Variants in PPIP5K2 observed in about 807,000 individuals in gnomAD.
The protein encoded by PPIP5K2 is diphosphoinositol pentakisphosphate kinase 2.
A neutral mutation model predicts 154.6 loss-of-function variants in PPIP5K2; 105 were observed. That is an observed-to-expected ratio of 0.68 (90% confidence interval 0.58 to 0.80). The LOEUF (loss-of-function observed/expected upper bound fraction) is 0.80. Ranked by LOEUF, PPIP5K2 falls within the 30% of genes least tolerant of loss-of-function variation. The pLI is 0.00. For missense variants in PPIP5K2, 992 were observed against 1,504.6 expected (o/e 0.66, Z 5.64); for synonymous variants, 480 against 490.3 (o/e 0.98, Z 0.28).
At chr5:103,140,357 A>G (rs1416809858) in intron 5 of PPIP5K2, among the ~76,000 whole-genome samples, 1 of 152,168 alleles carries the variant, frequency 6.6e-6, no homozygotes, top group Non-Finnish European at 1.5e-5. Flanking sequence ...GCATATATTA[A>G]TTAAACTCTC....
In PPIP5K2 at chr5:103,210,696, A is replaced by G. The variant is rs1470703709; in HGVS notation, c.*9062A>G. ...AAAGTTAGTACTGATTCCCATTATCATGCTCTGTTGTTCCCTGGATGCTCT... is the reference window on the plus strand; with the variant it reads ...AAAGTTAGTACTGATTCCCATTATCGTGCTCTGTTGTTCCCTGGATGCTCT... On this transcript the variant is annotated 3_prime_UTR_variant, in exon 31 of 31. Transcript: ENST00000358359. The G allele has an allele frequency of 6.6e-6, 1 of 152,108 alleles. No homozygotes were observed. The highest frequency in any genetic ancestry group is 1.5e-5 in the Non-Finnish European group (1 of 67,988). 9.4% of individuals were successfully genotyped at this position (152,108 alleles called of 1,614,324 possible).
intron 24 of PPIP5K2, among the ~76,000 whole-genome samples, chr5:103,181,833 T>A (rs1252419591): frequency 6.6e-6 from 1 of 152,132 alleles, no homozygotes; most frequent in Non-Finnish European, 1.5e-5. Context: ...AATATATATG[T>A]GCTCCAGTTT....
intron 27 of PPIP5K2, among the ~76,000 whole-genome samples, chr5:103,186,720 A>G (rs557508884): frequency 3.3e-5 from 5 of 152,326 alleles, no homozygotes; most frequent in Admixed American, 1.3e-4. Flanking sequence ...AATTGATTAT[A>G]TTATAAAGAG....
chr5:103,207,511 G>A lies in PPIP5K2; in HGVS notation c.*5877G>A, dbSNP rs10068312. 6.6e-6 allele frequency: 1 copy of A among 151,944 alleles called. No individual in the cohort carries two copies. The highest frequency in any genetic ancestry group is 1.5e-5 in the Non-Finnish European group (1 of 67,966). 9.4% of individuals were successfully genotyped at this position (151,944 alleles called of 1,614,324 possible). On this transcript the variant is annotated 3_prime_UTR_variant, in exon 31 of 31. Coordinates refer to ENST00000358359, the MANE Select transcript of PPIP5K2 (RefSeq NM_001276277.3). ...CATTATGTTATTCACATTTGCTATA[G>A]TTCACTTGTTGTGCTAATGGTTTTT...
intron 19 of PPIP5K2, among the ~76,000 whole-genome samples, chr5:103,170,351 T>C (rs1797787697): frequency 2.0e-5 from 3 of 151,634 alleles, no homozygotes; most frequent in South Asian, 4.1e-4. Flanking sequence ...CAGTATGTTA[T>C]GGTGATTCTC....
intron 26 of PPIP5K2, 108 bp from the exon 27 acceptor site, chr5:103,186,212 A>T (rs1800347806): frequency 7.1e-7 from 1 of 1,405,650 alleles, no homozygotes; most frequent in Non-Finnish European, 9.8e-7. Flanking sequence ...GGCACTTCCA[A>T]AGGTTGCCTT....
intron 29 of PPIP5K2, among the ~76,000 whole-genome samples, chr5:103,192,128 G>A (rs1207757222): frequency 1.3e-5 from 2 of 151,898 alleles, no homozygotes; most frequent in South Asian, 4.1e-4. Context: ...ATTTTTGGTA[G>A]TAGAGGCCAG....
In PPIP5K2 at chr5:103,186,458, A is replaced by G. The variant is rs782465984; in HGVS notation, c.3289+19A>G. The G allele has an allele frequency of 6.2e-7, 1 of 1,613,554 alleles. No homozygotes were observed. The highest frequency in any genetic ancestry group is 8.5e-7 in the Non-Finnish European group (1 of 1,179,670). ...ATAGATGGTATGTGCACACATGCAC[A>G]CACAGATTCATACCTACACCCATGC... is the stretch of plus-strand genomic sequence containing the variant. On this transcript the variant is annotated intron_variant, in intron 27 of 30. Coordinates refer to ENST00000358359, the MANE Select transcript of PPIP5K2 (RefSeq NM_001276277.3).
chr5:103,142,444 G>A (rs1792943861), intron 5 of PPIP5K2, among the ~76,000 whole-genome samples: 1 of 152,200 alleles, frequency 6.6e-6, no homozygotes, highest in Non-Finnish European at 1.5e-5. Flanking sequence ...GCAACCTGAG[G>A]GAGTGGGCTC....
chr5:103,134,024 C>G lies in PPIP5K2; in HGVS notation c.310+376C>G, dbSNP rs138934509. Among the ~76,000 whole-genome samples the G allele has an allele frequency of 8.1e-4, 123 of 152,116 alleles. No individual in the cohort carries two copies. In the East Asian group the frequency reaches 0.021, roughly 26 times the overall value. On this transcript the variant is annotated intron_variant, in intron 3 of 30. Transcript: ENST00000358359. The stretch of plus-strand genomic sequence containing the variant: ...ACATTTGGAAAGTTTCCAGTTTTCA[C>G]TATTAAAAATAAGGTTGTGTGATCT...
chr5:103,173,866 G>C lies in PPIP5K2; in HGVS notation c.2423G>C (p.Arg808Thr). 1 of 1,579,886 alleles carries C rather than the reference G, an allele frequency of 6.3e-7. No individual in the cohort carries two copies. Among genetic ancestry groups the C allele is most frequent in the Non-Finnish European group, 8.7e-7 (1 of 1,150,634 alleles). Residue 808 changes from arginine (R) to threonine (T), a missense_variant, in exon 21 of 31, where the codon AGA becomes ACA. Physicochemically the swap from Arg to Thr is moderately conservative, Grantham distance 71. Around this residue, in one of 9 missense-constraint regions of PPIP5K2, gnomAD observed 157 missense variants for 281.2 expected, o/e 0.56. Coordinates refer to ENST00000358359, the MANE Select transcript of PPIP5K2 (RefSeq NM_001276277.3). The stretch of plus-strand genomic sequence containing the variant: ...TCTGCTTCTAATTTTAGGTATTCTA[G>C]AGGTGTTCTGTCTCCTGAACGTCAT... ...TVNKLHPVYS[R>T]GVLSPERHVR... is the part of the protein sequence containing the mutation.
chr5:103,176,804 T>C, intron 21 of PPIP5K2: 6 of 985,146 alleles, frequency 6.1e-6, no homozygotes, highest in Non-Finnish European at 7.3e-6. Flanking sequence ...CTTTGAATGC[T>C]TGTAGTACAT....
At chr5:103,169,499 G>A (rs1797630178) in intron 19 of PPIP5K2, among the ~76,000 whole-genome samples, 1 of 151,634 alleles carries the variant, frequency 6.6e-6, no homozygotes, top group Non-Finnish European at 1.5e-5. Context: ...GAAAAACTGA[G>A]AATTCATACA....
At chr5:103,127,558 GATTT>G in intron 1 of PPIP5K2, among the ~76,000 whole-genome samples, 1 of 152,110 alleles carries the variant, frequency 6.6e-6, no homozygotes, top group East Asian at 1.9e-4. Context: ...CATTCTTTTA[GATTT>G]ACATGTTAGA....
intron 5 of PPIP5K2, among the ~76,000 whole-genome samples, chr5:103,145,039 A>C (rs1343240765): frequency 1.3e-5 from 2 of 152,108 alleles, no homozygotes; most frequent in Non-Finnish European, 2.9e-5. Context: ...CAGAATATAT[A>C]AGAAGCTCAA....
At chr5:103,127,825 A>T (rs1789950390) in intron 1 of PPIP5K2, among the ~76,000 whole-genome samples, 1 of 152,198 alleles carries the variant, frequency 6.6e-6, no homozygotes, top group Non-Finnish European at 1.5e-5. Context: ...TTTAGATGGA[A>T]AGAGTAAAAA....
At position 103,194,962 on chromosome 5, in the gene PPIP5K2, C is replaced by A. The variant is rs140969708; in HGVS notation, c.3556C>A (p.Pro1186Thr). 9.3e-6 allele frequency: 15 copies of A among 1,613,312 alleles called. No homozygotes were observed. Among genetic ancestry groups the A allele is most frequent in the Non-Finnish European group, 1.1e-5 (13 of 1,179,690 alleles). ...AAAAGTATCTTTAAATACGTATACA[C>A]CTGCAAAGATCCTCCCAACACCACC... ...RKKVSLNTYT[P>T]AKILPTPPAT... Residue 1186 changes from proline to threonine, a missense_variant, in exon 30 of 31, where the codon CCT (proline) becomes ACT (threonine). Pro to Thr is a conservative substitution (Grantham distance 38). Coordinates refer to ENST00000358359, the MANE Select transcript of PPIP5K2 (RefSeq NM_001276277.3).
chr5:103,166,090 A>G (rs1260404868), intron 17 of PPIP5K2, among the ~76,000 whole-genome samples: 2 of 152,068 alleles, frequency 1.3e-5, no homozygotes, highest in African/African-American at 4.8e-5. Context: ...ATAAAGCACA[A>G]TCAAAGTAAT....
In PPIP5K2 at chr5:103,186,358, G is replaced by A. The variant is rs370259216; in HGVS notation, c.3208G>A (p.Gly1070Arg). The change falls in exon 27 of 31, where the codon GGG becomes AGG. Residue 1070 changes from glycine to arginine, a missense_variant. Gly to Arg is a moderately radical substitution (Grantham distance 125, BLOSUM62 -2). Transcript: ENST00000358359. Reference sequence around the variant, plus strand: ...GGGCCTGTTTAGCACCTCGGTGCTCGGGGGTTCTTCAAGCGCACCTAACCT... The same window carrying A: ...GGGCCTGTTTAGCACCTCGGTGCTCAGGGGTTCTTCAAGCGCACCTAACCT... ...CAGLFSTSVLGGSSSAPNLQD... is the reference protein window; with the variant it reads ...CAGLFSTSVLRGSSSAPNLQD... The A allele has an allele frequency of 1.1e-5, 18 of 1,613,686 alleles. No homozygotes were observed. Among genetic ancestry groups the A allele is most frequent in the East Asian group, 2.2e-5 (1 of 44,872 alleles).
Sources: allele counts gnomAD v4.1 joint callset (sites outside exome capture counted in the v4.1 genomes callset), GRCh38; gene constraint gnomAD v4.1.1; regional missense constraint gnomAD v4.1.1; transcripts MANE v1.5; gene names NCBI Gene and HGNC (gene_info 2026-07-23, HGNC 2026-07-21).